QKI: variants seen among roughly 807,000 people sequenced by gnomAD.
QKI encodes the protein KH domain-containing RNA-binding protein QKI.
QKI carries 10 observed loss-of-function variants against 39.0 expected under a neutral mutation model. The ratio of observed to expected loss-of-function variants is 0.26; its 90% CI spans 0.16 to 0.43. The LOEUF is 0.43. Ranked by LOEUF, QKI falls within the 20% of genes least tolerant of loss-of-function variation. The probability of loss-of-function intolerance (pLI) is 1.00; values close to 1 mark genes in which losing one functional copy is unlikely to be tolerated. For synonymous variants in QKI, 204 were observed against 155.4 expected, an observed-to-expected ratio of 1.31 and a Z score of -2.33; for missense variants, 218 against 428.0, an observed-to-expected ratio of 0.51 and a Z score of 4.33.
At chr6:163,501,386 G>T (rs1272189286) in intron 3 of QKI, among the ~76,000 whole-genome samples, 1 of 151,774 alleles carries the variant, frequency 6.6e-6, no homozygotes, top group Admixed American at 6.6e-5. Context: ...GGGCCTGATT[G>T]CTCACAATCT....
At chr6:163,499,529 G>A (rs1334068283) in intron 3 of QKI, among the ~76,000 whole-genome samples, 1 of 152,136 alleles carries the variant, frequency 6.6e-6, no homozygotes, top group Non-Finnish European at 1.5e-5. Context: ...ATGCTAAAAC[G>A]TGAATTTGTT....
At chr6:163,430,147 C>G (rs1284380898) in intron 1 of QKI, among the ~76,000 whole-genome samples, 1 of 152,112 alleles carries the variant, frequency 6.6e-6, no homozygotes, top group Non-Finnish European at 1.5e-5. Flanking sequence ...GTAAATAATT[C>G]TCTATTAGAG....
chr6:163,541,603 G>A (rs1343649073), intron 4 of QKI, among the ~76,000 whole-genome samples: 4 of 151,092 alleles, frequency 2.6e-5, no homozygotes, highest in African/African-American at 9.7e-5. Flanking sequence ...TGTTCTTGAT[G>A]GCACTGAAAG....
At chr6:163,518,191 CT>C (rs1399529822) in intron 3 of QKI, among the ~76,000 whole-genome samples, 1 of 152,126 alleles carries the variant, frequency 6.6e-6, no homozygotes, top group Non-Finnish European at 1.5e-5. Context: ...CTAGGGAAAT[CT>C]TGTTTTTCAG....
chr6:163,481,501 G>A (rs1793074758), intron 3 of QKI, among the ~76,000 whole-genome samples: 1 of 152,112 alleles, frequency 6.6e-6, no homozygotes, highest in Non-Finnish European at 1.5e-5. Context: ...GACTAGTTCA[G>A]GTAATAAATG....
chr6:163,452,264 A>C (rs1176554080), intron 1 of QKI, among the ~76,000 whole-genome samples: 1 of 152,224 alleles, frequency 6.6e-6, no homozygotes, highest in East Asian at 1.9e-4. Context: ...CAAACTCAAC[A>C]GTGAGTAAGA....
At position 163,431,854 on chromosome 6, in the gene QKI, A is replaced by G. The variant is rs1788861565; in HGVS notation, c.142+16519A>G. Among the ~76,000 whole-genome samples, 3 of 148,952 alleles carry G rather than the reference A, an allele frequency of 2.0e-5. No homozygotes were observed. The South Asian group carries it at 6.3e-4, about 31-fold the overall frequency. ...ATTAAAAAAAAAAAAAAACCCTGTA[A>G]TTCTGCAATTTTAAAGCGGGTGTGG... On this transcript the variant is annotated intron_variant, in intron 1 of 7. Transcript: ENST00000361752.
Position 163,570,726 on chromosome 6 carries a change from C to T in QKI, c.*16C>T, listed in dbSNP as rs769274439. ...CGGCAACTAACCTATGACCTTCTGA[C>T]CTCTGAACTCTTCACCCAATGATGA... On this transcript the variant is annotated 3_prime_UTR_variant, in exon 8 of 8. Coordinates refer to ENST00000361752, the MANE Select transcript of QKI (RefSeq NM_006775.3). 1.9e-6 allele frequency: 3 copies of T among 1,612,722 alleles called. No homozygotes were observed. The highest frequency in any genetic ancestry group is 1.1e-5 in the South Asian group (1 of 90,842).
At chr6:163,566,064 A>G in intron 6 of QKI, 1 of 1,569,448 alleles carries the variant, frequency 6.4e-7, no homozygotes, top group Non-Finnish European at 8.7e-7. Context: ...AGCTTAGCCT[A>G]GCAGTCAGTG....
At chr6:163,565,775 C>T in intron 6 of QKI, 2 of 1,282,522 alleles carry the variant, frequency 1.6e-6, no homozygotes, top group East Asian at 5.6e-5. Context: ...TAAATTTGCA[C>T]ACAGATAACA....
At chr6:163,495,184 G>C (rs1023090878) in intron 3 of QKI, among the ~76,000 whole-genome samples, 12 of 152,044 alleles carry the variant, frequency 7.9e-5, no homozygotes, top group African/African-American at 2.9e-4. Flanking sequence ...CAAAGTGCTG[G>C]GATTACAGGC....
chr6:163,546,240 C>A (rs1204005945), intron 4 of QKI, among the ~76,000 whole-genome samples: 1 of 151,388 alleles, frequency 6.6e-6, no homozygotes, highest in Non-Finnish European at 1.5e-5. Context: ...TTCTTTAGTT[C>A]AATTATTTTC....
intron 4 of QKI, among the ~76,000 whole-genome samples, chr6:163,542,977 C>G (rs569631591): frequency 7.1e-6 from 1 of 141,188 alleles, no homozygotes; most frequent in African/African-American, 2.6e-5. Flanking sequence ...TAATAGGCAT[C>G]TGTTACAAAA....
At chr6:163,435,291 C>T (rs542423711) in intron 1 of QKI, among the ~76,000 whole-genome samples, 12 of 152,266 alleles carry the variant, frequency 7.9e-5, no homozygotes, top group African/African-American at 1.2e-4. Context: ...ATGATTTTGC[C>T]GGCAGCAGTG....
At chr6:163,419,820 A>G (rs1325573742) in intron 1 of QKI, among the ~76,000 whole-genome samples, 1 of 152,214 alleles carries the variant, frequency 6.6e-6, no homozygotes, top group Non-Finnish European at 1.5e-5. Flanking sequence ...AGTCACATTT[A>G]CGAGTGTATT....
intron 4 of QKI, among the ~76,000 whole-genome samples, chr6:163,542,268 A>G (rs965372294): frequency 2.0e-5 from 3 of 151,980 alleles, no homozygotes; most frequent in Admixed American, 2.0e-4. Context: ...ATCCTCATTC[A>G]TCTAGTTGGA....
At chr6:163,468,192 A>T (rs568611284) in intron 2 of QKI, among the ~76,000 whole-genome samples, 1 of 152,284 alleles carries the variant, frequency 6.6e-6, no homozygotes, top group African/African-American at 2.4e-5. Flanking sequence ...TGTGTTGCTT[A>T]TGTGATATAA....
At chr6:163,496,153 C>T (rs1360709969) in intron 3 of QKI, among the ~76,000 whole-genome samples, 2 of 152,208 alleles carry the variant, frequency 1.3e-5, no homozygotes, top group South Asian at 2.1e-4. Context: ...ATATCCCATT[C>T]GTTTGCTGAT....
At chr6:163,460,929 A>C (rs1471174156) in intron 2 of QKI, among the ~76,000 whole-genome samples, 2 of 152,202 alleles carry the variant, frequency 1.3e-5, no homozygotes, top group African/African-American at 4.8e-5. Flanking sequence ...TCTGTCTTTG[A>C]TAGTTTGTAC....
Sources: allele counts gnomAD v4.1 joint callset (sites outside exome capture counted in the v4.1 genomes callset), GRCh38; gene constraint gnomAD v4.1.1; transcripts MANE v1.5; gene names NCBI Gene and HGNC (gene_info 2026-07-23, HGNC 2026-07-21).